Variants in CELF4 observed in about 807,000 individuals in gnomAD.
CELF4 encodes the protein CUGBP Elav-like family member 4.
In CELF4, 18 loss-of-function variants were observed where a neutral mutation model predicts 59.9. That is an observed-to-expected ratio of 0.30 (90% CI 0.21 to 0.45). CELF4 has a LOEUF of 0.45. CELF4 is among the 20% of genes least tolerant of loss of function. The pLI is 1.00. For synonymous variants in CELF4, 261 were observed against 267.1 expected, an observed-to-expected ratio of 0.98 and a Z score of 0.22; for missense variants, 456 against 689.0, an observed-to-expected ratio of 0.66 and a Z score of 3.79.
chr18:37,471,135 T>C (rs2099825693), intron 2 of CELF4, among the ~76,000 whole-genome samples: 1 of 151,938 alleles, frequency 6.6e-6, no homozygotes, highest in African/African-American at 2.4e-5. Flanking sequence ...CCTTCAGCCC[T>C]CCACCAGCAG....
intron 2 of CELF4, among the ~76,000 whole-genome samples, chr18:37,434,015 C>T (rs997596616): frequency 2.0e-5 from 3 of 152,218 alleles, no homozygotes; most frequent in African/African-American, 7.2e-5. Context: ...TAGTTGAGTG[C>T]TCCCTACACC....
At chr18:37,538,401 TC>T (rs2154605347) in intron 1 of CELF4, among the ~76,000 whole-genome samples, 1 of 152,136 alleles carries the variant, frequency 6.6e-6, no homozygotes, top group East Asian at 1.9e-4. Context: ...CTGTGTGTAA[TC>T]CTCTCCCGAG....
intron 1 of CELF4, among the ~76,000 whole-genome samples, chr18:37,545,924 C>T (rs562895465): frequency 3.9e-5 from 6 of 152,292 alleles, no homozygotes; most frequent in Admixed American, 1.3e-4. Flanking sequence ...AAGAAAGTGG[C>T]GAGGTCTCTG....
At chr18:37,493,875 T>G (rs1230100688) in intron 1 of CELF4, among the ~76,000 whole-genome samples, 1 of 152,024 alleles carries the variant, frequency 6.6e-6, no homozygotes, top group African/African-American at 2.4e-5. Flanking sequence ...CATTCTAGAG[T>G]GCGAATGAGT....
intron 8 of CELF4, among the ~76,000 whole-genome samples, chr18:37,267,802 G>A (rs1294621545): frequency 2.0e-5 from 3 of 152,106 alleles, no homozygotes; most frequent in Admixed American, 1.3e-4. Context: ...TTGGGAGGCC[G>A]AGGTGGGTGG....
chr18:37,489,473 C>T (rs549055668), intron 1 of CELF4, among the ~76,000 whole-genome samples: 1 of 152,116 alleles, frequency 6.6e-6, no homozygotes, highest in East Asian at 1.9e-4. Flanking sequence ...ACTGCTCTCT[C>T]CTAGGGAGGG....
chr18:37,265,993 T>C (rs117267305), intron 9 of CELF4, among the ~76,000 whole-genome samples: 1 of 152,266 alleles, frequency 6.6e-6, no homozygotes, highest in Non-Finnish European at 1.5e-5. Flanking sequence ...CACTCAGGGC[T>C]GTCCCTTCCC....
chr18:37,309,253 G>A (rs2096558471), intron 3 of CELF4, among the ~76,000 whole-genome samples: 1 of 152,230 alleles, frequency 6.6e-6, no homozygotes, highest in Non-Finnish European at 1.5e-5. Flanking sequence ...AGACTGCCCA[G>A]AAAGACAGAG....
intron 2 of CELF4, among the ~76,000 whole-genome samples, chr18:37,414,224 AT>A (rs1407421388): frequency 6.6e-6 from 1 of 151,666 alleles, no homozygotes; most frequent in Non-Finnish European, 1.5e-5. Flanking sequence ...CTATCTATCT[AT>A]CTATCTATCT....
At chr18:37,322,719 A>C (rs1179154066) in intron 2 of CELF4, among the ~76,000 whole-genome samples, 1 of 152,228 alleles carries the variant, frequency 6.6e-6, no homozygotes, top group East Asian at 1.9e-4. Flanking sequence ...AGAGTGGTTT[A>C]AGCAACAAAC....
chr18:37,438,520 C>T (rs186471119), intron 2 of CELF4, among the ~76,000 whole-genome samples: 4 of 152,236 alleles, frequency 2.6e-5, no homozygotes, highest in Admixed American at 6.5e-5. Context: ...CTCTCAATGT[C>T]GTGCACCCTA....
intron 2 of CELF4, among the ~76,000 whole-genome samples, chr18:37,422,457 T>C (rs988918206): frequency 6.6e-6 from 1 of 152,208 alleles, no homozygotes; most frequent in Admixed American, 6.5e-5. Flanking sequence ...CCTGCACTTC[T>C]TAATGCAACA....
chr18:37,514,686 T>C (rs1344567828), intron 1 of CELF4, among the ~76,000 whole-genome samples: 1 of 152,158 alleles, frequency 6.6e-6, no homozygotes, highest in African/African-American at 2.4e-5. Flanking sequence ...CTTCCGGTGA[T>C]AATAAAATCT....
At chr18:37,550,087 G>GGA (rs1410565208) in intron 1 of CELF4, among the ~76,000 whole-genome samples, 3 of 128,876 alleles carry the variant, frequency 2.3e-5, no homozygotes, top group South Asian at 3.5e-4. Flanking sequence ...AATGGGTGGG[G>GGA]GGGGGGGATC....
At chr18:37,266,467 G>A in intron 9 of CELF4, 66 bp downstream of exon 9, 1 of 1,440,598 alleles carries the variant, frequency 6.9e-7, no homozygotes, top group Non-Finnish European at 9.6e-7. Context: ...AGGGGGCACT[G>A]GTGTCACAGG....
intron 2 of CELF4, among the ~76,000 whole-genome samples, chr18:37,387,923 G>A (rs2099116686): frequency 6.6e-6 from 1 of 152,180 alleles, no homozygotes; most frequent in African/African-American, 2.4e-5. Context: ...CTGGGGCTGG[G>A]GGAAGCCAGC....
chr18:37,490,214 A>G (rs900984088), intron 1 of CELF4, among the ~76,000 whole-genome samples: 5 of 152,160 alleles, frequency 3.3e-5, no homozygotes, highest in African/African-American at 1.2e-4. Flanking sequence ...TCAGACCTGT[A>G]TTTACATGTG....
intron 3 of CELF4, among the ~76,000 whole-genome samples, chr18:37,291,974 C>G (rs1569538627): frequency 6.6e-6 from 1 of 151,918 alleles, no homozygotes; most frequent in Non-Finnish European, 1.5e-5. Flanking sequence ...AGAGGAGGAG[C>G]TTTTGTGGGG....
intron 1 of CELF4, among the ~76,000 whole-genome samples, chr18:37,542,245 T>G (rs984988895): frequency 6.6e-6 from 1 of 152,232 alleles, no homozygotes; most frequent in Non-Finnish European, 1.5e-5. Flanking sequence ...GTAATAAAGG[T>G]AAATGCTCCT....
Sources: gnomAD v4.1 joint callset for allele counts (sites outside exome capture counted in the v4.1 genomes callset) on GRCh38, gnomAD v4.1.1 for gene constraint, MANE v1.5 for transcripts, NCBI Gene and HGNC (gene_info 2026-07-23, HGNC 2026-07-21) for gene names.